TMEM237: variants seen among roughly 807,000 people sequenced by gnomAD.
The protein encoded by TMEM237 is transmembrane protein 237, also known as amyotrophic lateral sclerosis 2 (juvenile) chromosome region, candidate 4.
TMEM237 carries 51 observed loss-of-function variants against 59.1 expected under a neutral mutation model. That is an observed-to-expected ratio of 0.86 (90% CI 0.69 to 1.09). TMEM237 has a LOEUF of 1.09. TMEM237 is among the 50% of genes least tolerant of loss of function. The pLI, the probability that TMEM237 is intolerant of heterozygous loss-of-function variation, is 0.00. For missense variants in TMEM237, 475 were observed against 478.3 expected (o/e 0.99, Z 0.06); for synonymous variants, 140 against 166.1 (o/e 0.84, Z 1.21).
rs1341045400 is a variant in TMEM237, at chr2:201,640,909, G to A, written c.58C>T (p.Leu20Phe). ...EEGHLRPPRA[L>F]PPVPSQDDIP... ...TATTTTTACCTTGGCACAGGTGGAA[G>A]AGCTCGTGGAGGACGCTGTGGCGGA... Residue 20 changes from leucine to phenylalanine, a missense_variant, in exon 2 of 13, where the codon CTT (leucine) becomes TTT (phenylalanine). Physicochemically the swap from Leu to Phe is conservative, Grantham distance 22. Coordinates refer to ENST00000409883, the MANE Select transcript of TMEM237 (RefSeq NM_001044385.3). 5 of 1,601,878 alleles carry A rather than the reference G, an allele frequency of 3.1e-6. No individual in the cohort carries two copies. The highest frequency in any genetic ancestry group is 4.3e-6 in the Non-Finnish European group (5 of 1,171,450).
At chr2:201,628,718 A>G (rs1458900072) in intron 9 of TMEM237, among the ~76,000 whole-genome samples, 2 of 152,230 alleles carry the variant, frequency 1.3e-5, no homozygotes, top group Non-Finnish European at 2.9e-5. Context: ...ATGCATCTAC[A>G]GCCAAGGAAT....
rs1687360989 is a variant in TMEM237, at chr2:201,639,073, A to G, written c.80-28T>C. 1.9e-6 allele frequency: 3 copies of G among 1,552,946 alleles called. No individual in the cohort carries two copies. In the African/African-American group the frequency reaches 4.1e-5, roughly 21 times the overall value. On this transcript the variant is annotated intron_variant, in intron 3 of 12. Coordinates refer to ENST00000409883, the MANE Select transcript of TMEM237 (RefSeq NM_001044385.3). ...ATAAAGCAAGAAAAAACGTCAACAG[A>G]AAAGGGTGCCTAAAATTCAATGCAG...
In TMEM237 at chr2:201,629,354, C is replaced by A. The variant is rs918207196; in HGVS notation, c.745G>T (p.Val249Phe). 1.2e-6 allele frequency: 2 copies of A among 1,610,000 alleles called. No homozygotes were observed. The highest frequency in any genetic ancestry group is 1.7e-5 in the Admixed American group (1 of 58,990). Residue 249 changes from valine (V) to phenylalanine (F), a missense_variant, in exon 9 of 13, where the codon GTT (valine) becomes TTT (phenylalanine). Physicochemically the swap from Val to Phe is conservative, Grantham distance 50. Transcript: ENST00000409883. The part of the protein sequence containing the change: ...CAVWNIVVIY[V>F]LAGDQLSNLS... ...TTGGATAGCTGATCTCCTGCTAGAA[C>A]ATATATCACAACAATATTCCACACA...
intron 12 of TMEM237, among the ~76,000 whole-genome samples, 167 bp downstream of exon 12, chr2:201,625,859 C>A (rs916069577): frequency 6.6e-6 from 1 of 152,134 alleles, no homozygotes; most frequent in Admixed American, 6.5e-5. Flanking sequence ...CTCCCTGCTT[C>A]TCTTGGCATT....
intron 7 of TMEM237, chr2:201,631,224 T>G (rs1334652493): frequency 6.6e-6 from 1 of 152,198 alleles, no homozygotes; most frequent in African/African-American, 2.4e-5. Context: ...GAGCTCTCTC[T>G]GCCACATGAC....
At chr2:201,636,597 G>C (rs558696458) in intron 5 of TMEM237, 151 bp downstream of exon 5, 2 of 825,560 alleles carry the variant, frequency 2.4e-6, no homozygotes, top group African/African-American at 3.5e-5. Flanking sequence ...TAAGCCATTG[G>C]AGTTATTCTA....
At chr2:201,629,113 T>G (rs2105898850) in intron 9 of TMEM237, 117 bp downstream of exon 9, 1 of 791,240 alleles carries the variant, frequency 1.3e-6, no homozygotes, top group East Asian at 3.2e-5. Context: ...CTTAAAACTT[T>G]TTGAAGTAAC....
At position 201,640,437 on chromosome 2, in the gene TMEM237, A is replaced by G. The variant is rs189227176; in HGVS notation, c.75-172T>C. Among the ~76,000 whole-genome samples, 31 of 152,340 alleles carry G rather than the reference A, an allele frequency of 2.0e-4. No homozygotes were observed. The East Asian group carries it at 4.8e-3, about 24-fold the overall frequency. On this transcript the variant is annotated intron_variant, in intron 2 of 12. Coordinates refer to ENST00000409883, the MANE Select transcript of TMEM237 (RefSeq NM_001044385.3). The stretch of plus-strand genomic sequence containing the variant: ...TAGTTTACAAACTAGTTTACTGTTT[A>G]TAATTAAGTGGTTTAATAACACTGC...
chr2:201,642,634 T>G, intron 1 of TMEM237: 1 of 1,608,552 alleles, frequency 6.2e-7, no homozygotes, highest in Non-Finnish European at 8.5e-7. Context: ...CATTCTGCGT[T>G]TAGCCGGCCT....
chr2:201,624,301 A>C lies in TMEM237; in HGVS notation c.1181T>G (p.Val394Gly). Reference sequence around the variant, plus strand: ...TTTCTCTTTATCAGGATATTCTTCCACCTCTGAGGAGAACATTAACTCTGG... The same window carrying C: ...TTTCTCTTTATCAGGATATTCTTCCCCCTCTGAGGAGAACATTAACTCTGG... ...LSEELMFSSE[V>G]EEYPDKEKEI... is the part of the protein sequence containing the mutation. The change falls in exon 13 of 13, where the codon GTG becomes GGG. Residue 394 changes from valine (V) to glycine (G), a missense_variant. Coordinates refer to ENST00000409883, the MANE Select transcript of TMEM237 (RefSeq NM_001044385.3). The C allele has an allele frequency of 6.2e-7, 1 of 1,612,262 alleles. No homozygotes were observed. The highest frequency in any genetic ancestry group is 8.5e-7 in the Non-Finnish European group (1 of 1,178,996).
intron 12 of TMEM237, among the ~76,000 whole-genome samples, chr2:201,625,090 G>A (rs543961844): frequency 2.6e-5 from 4 of 152,284 alleles, no homozygotes; most frequent in South Asian, 2.1e-4. Flanking sequence ...TTGGCCAGGC[G>A]CGGTGGCTCA....
chr2:201,629,889 G>A (rs957764355), intron 7 of TMEM237, 37 bp from the exon 8 acceptor site: 3 of 1,589,028 alleles, frequency 1.9e-6, no homozygotes, highest in Admixed American at 3.8e-5. Flanking sequence ...CAACTAGCGA[G>A]AGAGAACCCT....
At chr2:201,639,154 GC>G in intron 3 of TMEM237, 109 bp from the exon 4 acceptor site, 1 of 1,026,950 alleles carries the variant, frequency 9.7e-7, no homozygotes, top group South Asian at 1.5e-5. Flanking sequence ...TCTTCCCTGG[GC>G]CTGGCAAACG....
intron 11 of TMEM237, 159 bp from the exon 12 acceptor site, chr2:201,626,306 A>G: frequency 1.4e-6 from 1 of 724,140 alleles, no homozygotes; most frequent in Non-Finnish European, 2.2e-6. Flanking sequence ...AATATACCAC[A>G]TATATAATGA....
chr2:201,626,322 A>C (rs2105897502), intron 11 of TMEM237, 175 bp from the exon 12 acceptor site: 1 of 625,978 alleles, frequency 1.6e-6, no homozygotes, highest in East Asian at 3.0e-5. Context: ...AATGAGAACA[A>C]GGGTTCAAAG....
intron 1 of TMEM237, chr2:201,642,494 T>A (rs1687444846): frequency 6.5e-6 from 8 of 1,226,504 alleles, no homozygotes; most frequent in Non-Finnish European, 9.0e-6. Flanking sequence ...ATTTCAAAAG[T>A]CCCGCAAAAA....
intron 3 of TMEM237, among the ~76,000 whole-genome samples, chr2:201,639,590 GT>G (rs1024879733): frequency 1.3e-5 from 2 of 152,194 alleles, no homozygotes; most frequent in African/African-American, 4.8e-5. Context: ...GAGCTCAGGA[GT>G]TCGACACCAG....
intron 6 of TMEM237, among the ~76,000 whole-genome samples, chr2:201,632,752 T>C (rs1957818966): frequency 6.6e-6 from 1 of 152,194 alleles, no homozygotes; most frequent in Admixed American, 6.5e-5. Flanking sequence ...CCTTTATAAA[T>C]TATCCAGTCT....
Position 201,623,456 on chromosome 2 carries a change from T to G in TMEM237, c.*799A>C, listed in dbSNP as rs1957728835. ...GGTGAATTTCTACTCCTATTTCTTGTCACTCAGAAAAAAGGGACAGAGGAA... is the reference window on the plus strand; with the variant it reads ...GGTGAATTTCTACTCCTATTTCTTGGCACTCAGAAAAAAGGGACAGAGGAA... On this transcript the variant is annotated 3_prime_UTR_variant, in exon 13 of 13. Coordinates refer to ENST00000409883, the MANE Select transcript of TMEM237 (RefSeq NM_001044385.3). The G allele has an allele frequency of 6.2e-6, 1 of 161,300 alleles. No individual in the cohort carries two copies. Among genetic ancestry groups the G allele is most frequent in the Non-Finnish European group, 1.4e-5 (1 of 72,632 alleles). The allele number at this position is 161,300 out of a possible 1,614,324, so 10.0% of individuals were successfully genotyped here.
Sources: allele counts gnomAD v4.1 joint callset (sites outside exome capture counted in the v4.1 genomes callset), GRCh38; gene constraint gnomAD v4.1.1; transcripts MANE v1.5; gene names NCBI Gene and HGNC (gene_info 2026-07-23, HGNC 2026-07-21).